The following SIPA1L3 variants were observed in gnomAD, a reference collection of about 807,000 sequenced individuals.
SIPA1L3 encodes signal induced proliferation associated 1 like 3, also known as signal-induced proliferation-associated 1-like protein 3.
SIPA1L3 carries 59 observed loss-of-function variants against 150.1 expected under a neutral mutation model. The ratio of observed to expected loss-of-function variants is 0.39; its 90% CI spans 0.32 to 0.49. The LOEUF (loss-of-function observed/expected upper bound fraction) is 0.49. SIPA1L3 is among the 20% of genes least tolerant of loss of function. The pLI, the probability that SIPA1L3 is intolerant of heterozygous loss-of-function variation, is 0.86. For synonymous variants in SIPA1L3, 1,070 were observed against 1,077.6 expected (o/e 0.99, Z 0.14); for missense variants, 2,211 against 2,489.5 (o/e 0.89, Z 2.38).
At chr19:38,081,188 CAT>C (rs1969969332) in intron 2 of SIPA1L3, 66 bp from the exon 3 acceptor site, 1 of 403,626 alleles carries the variant, frequency 2.5e-6, no homozygotes, top group African/African-American at 2.1e-5. Context: ...AGAAAAGTCA[CAT>C]GTCCCACTTT....
chr19:38,160,308 C>G lies in SIPA1L3; in HGVS notation c.3662-1945C>G, dbSNP rs538138001. Among the ~76,000 whole-genome samples, 5 of 152,168 alleles carry G rather than the reference C, an allele frequency of 3.3e-5. No homozygotes were observed. The South Asian group carries it at 1.0e-3, about 32-fold the overall frequency. On this transcript the variant is annotated intron_variant, in intron 13 of 21. Transcript: ENST00000222345. Reference sequence around the variant, plus strand: ...GGATTACAGGCATGAGCCACCGCACCTGGCCAATTTTTTTTTAAGGTCAGC... The same window carrying G: ...GGATTACAGGCATGAGCCACCGCACGTGGCCAATTTTTTTTTAAGGTCAGC...
chr19:38,081,920 A>G lies in SIPA1L3; in HGVS notation c.355A>G (p.Ser119Gly), dbSNP rs1357037990. Residue 119 changes from serine (S) to glycine (G), a missense_variant, in exon 3 of 22, where the codon AGC becomes GGC. Around this residue, in one of 5 missense-constraint regions of SIPA1L3, gnomAD observed 130 missense variants for 174.5 expected, o/e 0.74. Transcript: ENST00000222345. ...CACCAAGATGGCCCATTCCATGAGG[A>G]GCATACAGAACGGACAGCCCCCCAC... ...KATKMAHSMR[S>G]IQNGQPPTST... 6.2e-7 allele frequency: 1 copy of G among 1,614,098 alleles called. No individual in the cohort carries two copies. The highest frequency in any genetic ancestry group is 8.5e-7 in the Non-Finnish European group (1 of 1,179,984).
At chr19:37,972,571 G>T (rs541010628) in intron 1 of SIPA1L3, among the ~76,000 whole-genome samples, 170 of 152,222 alleles carry the variant, frequency 1.1e-3, no homozygotes, top group African/African-American at 3.7e-3. Flanking sequence ...GGGCATGGTG[G>T]TGTGCACCTG....
intron 1 of SIPA1L3, among the ~76,000 whole-genome samples, chr19:37,978,812 A>C (rs758653694): frequency 6.6e-6 from 1 of 151,756 alleles, no homozygotes; most frequent in Non-Finnish European, 1.5e-5. Context: ...CTGTCTCTAC[A>C]AAAAATTTAA....
At chr19:38,091,790 G>A (rs560802953) in intron 4 of SIPA1L3, among the ~76,000 whole-genome samples, 29 of 152,282 alleles carry the variant, frequency 1.9e-4, no homozygotes, top group African/African-American at 6.3e-4. Flanking sequence ...GGGCGTGGAG[G>A]CTCACGTCTG....
Position 38,164,757 on chromosome 19 carries a change from G to T in SIPA1L3, c.4059G>T (p.Arg1353Ser). 1 of 1,612,966 alleles carries T rather than the reference G, an allele frequency of 6.2e-7. No homozygotes were observed. Among genetic ancestry groups the T allele is most frequent in the Non-Finnish European group, 8.5e-7 (1 of 1,179,600 alleles). The change falls in exon 15 of 22, where the codon AGG becomes AGT. Residue 1353 changes from arginine to serine, a missense_variant. Transcript: ENST00000222345. This position sits in a 1 kb window ranked among gnomAD's most constrained non-coding sequence, Gnocchi z 4.1. ...LCGGGREAAG[R>S]SHHADRRREV... ...GCGGGGGTCGCGAGGCCGCTGGGAG[G>T]TCCCACCACGCAGACAGGCGGCGGG...
At chr19:37,969,631 C>T (rs1599852160) in intron 1 of SIPA1L3, among the ~76,000 whole-genome samples, 1 of 152,280 alleles carries the variant, frequency 6.6e-6, no homozygotes, top group East Asian at 1.9e-4. Flanking sequence ...GTGATGCAGC[C>T]GTGCTGGCCT....
intron 18 of SIPA1L3, among the ~76,000 whole-genome samples, chr19:38,197,645 T>C (rs1280854121): frequency 6.6e-6 from 1 of 151,820 alleles, no homozygotes; most frequent in Non-Finnish European, 1.5e-5. Context: ...CAGAAACAGA[T>C]TTCTGATCCC....
At chr19:38,032,252 A>T (rs538005512) in intron 2 of SIPA1L3, among the ~76,000 whole-genome samples, 2 of 152,308 alleles carry the variant, frequency 1.3e-5, no homozygotes, top group African/African-American at 4.8e-5. Flanking sequence ...AATCTAGCAC[A>T]TTCCTTTTTC....
intron 1 of SIPA1L3, among the ~76,000 whole-genome samples, chr19:38,004,203 C>T (rs1033373647): frequency 2.0e-5 from 3 of 152,172 alleles, no homozygotes; most frequent in African/African-American, 7.2e-5. Context: ...GCTGGGGAGG[C>T]GGTGGGCAAG....
intron 4 of SIPA1L3, among the ~76,000 whole-genome samples, chr19:38,096,235 C>G (rs1394001025): frequency 6.6e-6 from 1 of 152,080 alleles, no homozygotes; most frequent in African/African-American, 2.4e-5. Flanking sequence ...GCAGTTAATA[C>G]TTATCCTCCT....
At chr19:37,996,539 A>G (rs1449654561) in intron 1 of SIPA1L3, among the ~76,000 whole-genome samples, 3 of 151,942 alleles carry the variant, frequency 2.0e-5, no homozygotes, top group Non-Finnish European at 4.4e-5. Context: ...CTTAAAGTCT[A>G]CTCTCTCAGC....
At chr19:37,961,708 C>A (rs2046860028) in intron 1 of SIPA1L3, among the ~76,000 whole-genome samples, 1 of 151,502 alleles carries the variant, frequency 6.6e-6, no homozygotes, top group Non-Finnish European at 1.5e-5. Context: ...ATTTTTTTTT[C>A]TGGCACTTTC....
chr19:38,001,351 C>T (rs1725501), intron 1 of SIPA1L3, among the ~76,000 whole-genome samples: 121,277 of 152,040 alleles, frequency 0.8, 49,118 homozygotes, highest in East Asian at 0.97. Context: ...TTCTCTCCCA[C>T]CTTTCTCTTG....
intron 2 of SIPA1L3, among the ~76,000 whole-genome samples, chr19:38,053,166 G>C (rs1969236553): frequency 1.3e-5 from 2 of 152,232 alleles, no homozygotes; most frequent in Admixed American, 1.3e-4. Context: ...GGAGATGGAA[G>C]GTGCCCAGAT....
intron 1 of SIPA1L3, among the ~76,000 whole-genome samples, chr19:38,017,916 C>T (rs1164492936): frequency 6.6e-6 from 1 of 151,168 alleles, no homozygotes; most frequent in Non-Finnish European, 1.5e-5. Context: ...TATCATTCCC[C>T]TGCTTCCCAT....
chr19:38,032,243 A>G (rs1194372847), intron 2 of SIPA1L3, among the ~76,000 whole-genome samples: 1 of 152,144 alleles, frequency 6.6e-6, no homozygotes, highest in Non-Finnish European at 1.5e-5. Flanking sequence ...ACTTGTTTTA[A>G]TCTAGCACAT....
At chr19:38,145,704 CATTT>C (rs1283866857) in intron 12 of SIPA1L3, among the ~76,000 whole-genome samples, 1 of 152,066 alleles carries the variant, frequency 6.6e-6, no homozygotes. Context: ...TACATGCACT[CATTT>C]GTGTGTGTGT....
intron 1 of SIPA1L3, among the ~76,000 whole-genome samples, chr19:37,958,633 T>C (rs559566665): frequency 1.7e-3 from 251 of 151,748 alleles, no homozygotes; most frequent in Non-Finnish European, 3.0e-3. Flanking sequence ...GAACAAAAGC[T>C]CAAACAACAG....
Sources: allele counts gnomAD v4.1 joint callset (sites outside exome capture counted in the v4.1 genomes callset), GRCh38; gene constraint gnomAD v4.1.1; regional missense constraint gnomAD v4.1.1; non-coding constraint Gnocchi (gnomAD v3.1); transcripts MANE v1.5; gene names NCBI Gene and HGNC (gene_info 2026-07-23, HGNC 2026-07-21).